WT1: variants seen among roughly 807,000 people sequenced by gnomAD.
WT1 encodes WT1 transcription factor, also known as Wilms tumor protein.
A neutral mutation model predicts 60.8 loss-of-function variants in WT1; 8 were observed. The observed-to-expected ratio is 0.13, with a 90% CI of 0.08 to 0.24. The LOEUF (loss-of-function observed/expected upper bound fraction) is 0.24. Ranked by LOEUF, WT1 falls within the 10% of genes least tolerant of loss-of-function variation. The pLI is 1.00. For missense variants in WT1, 568 were observed against 711.8 expected (o/e 0.80, Z 2.30); for synonymous variants, 312 against 297.1 (o/e 1.05, Z -0.52).
intron 5 of WT1, among the ~76,000 whole-genome samples, chr11:32,411,883 G>GA (rs142941815): frequency 0.046 from 6,920 of 151,810 alleles, 211 homozygotes; most frequent in Non-Finnish European, 0.073. Flanking sequence ...CAATAATAAA[G>GA]AAAAAAAACT....
chr11:32,405,634 C>CAT (rs58609322), intron 5 of WT1, among the ~76,000 whole-genome samples: 60,730 of 151,578 alleles, frequency 0.4, 13,392 homozygotes, highest in East Asian at 0.72. Context: ...ACACAAATGA[C>CAT]AACTTCCTCC....
At chr11:32,410,725 C>T (rs1852470957) in intron 5 of WT1, among the ~76,000 whole-genome samples, 1 of 151,998 alleles carries the variant, frequency 6.6e-6, no homozygotes, top group Non-Finnish European at 1.5e-5. Flanking sequence ...ATAAAGTCGC[C>T]ATCTAGGCAT....
At chr11:32,416,220 T>C (rs919522022) in intron 5 of WT1, among the ~76,000 whole-genome samples, 1 of 152,216 alleles carries the variant, frequency 6.6e-6, no homozygotes, top group African/African-American at 2.4e-5. Flanking sequence ...TTTAGTATTT[T>C]GTGAAGTATT....
At chr11:32,430,486 G>GAGAGACAGAGAC (rs1554945689) in intron 1 of WT1, 1 of 1,570,742 alleles carries the variant, frequency 6.4e-7, no homozygotes, top group African/African-American at 1.5e-5. Flanking sequence ...GAGAGAGAGA[G>GAGAGACAGAGAC]AGAGACGAAA....
intron 5 of WT1, among the ~76,000 whole-genome samples, chr11:32,403,005 A>G (rs1184899724): frequency 6.6e-6 from 1 of 152,186 alleles, no homozygotes; most frequent in African/African-American, 2.4e-5. Context: ...GACTTTCCTG[A>G]AGACAACTGT....
In WT1 at chr11:32,434,977, C is replaced by G. The variant is rs2133104077; in HGVS notation, c.384G>C (p.Ala128=). Residue 128 remains alanine, a synonymous_variant, in exon 1 of 10, where the codon GCG becomes GCC. Transcript: ENST00000452863. ...GGGGTGGCGGCGGAGCCGGTGGCGGCGCGGGGCCGCCCAACGACCCGTAAG... is the reference window on the plus strand; with the variant it reads ...GGGGTGGCGGCGGAGCCGGTGGCGGGGCGGGGCCGCCCAACGACCCGTAAG... 1 of 1,521,018 alleles carries G rather than the reference C, an allele frequency of 6.6e-7. No homozygotes were observed. The highest frequency in any genetic ancestry group is 8.8e-7 in the Non-Finnish European group (1 of 1,141,008). 94.2% of individuals were successfully genotyped at this position (1,521,018 alleles called of 1,614,324 possible).
chr11:32,406,243 G>A (rs545005505), intron 5 of WT1, among the ~76,000 whole-genome samples: 2 of 152,184 alleles, frequency 1.3e-5, no homozygotes, highest in East Asian at 1.9e-4. Flanking sequence ...GGAGGTGGGG[G>A]TGGTTTTGGG....
chr11:32,398,485 A>G (rs1852041738), intron 6 of WT1, among the ~76,000 whole-genome samples: 1 of 152,192 alleles, frequency 6.6e-6, no homozygotes. Flanking sequence ...TTTTACCTTT[A>G]TACTTTACTT....
intron 1 of WT1, chr11:32,430,806 G>T: frequency 7.7e-7 from 1 of 1,305,002 alleles, no homozygotes. Flanking sequence ...AGGGGCAGTG[G>T]TGAAAGCGCC....
chr11:32,395,707 C>T (rs937148140), intron 7 of WT1, among the ~76,000 whole-genome samples: 3 of 152,096 alleles, frequency 2.0e-5, no homozygotes, highest in African/African-American at 7.2e-5. Context: ...GGTGATCCAC[C>T]CACTTCGGCC....
At chr11:32,430,455 GGAGAGAGAGAGAGAGAGA>G (rs529663782) in intron 1 of WT1, 11 of 898,570 alleles carry the variant, frequency 1.2e-5, no homozygotes, top group Admixed American at 2.6e-5. Context: ...AGAGAGGGAG[GGAGAGAGAGAGAGAGAGA>G]GAGAGAGAGA....
At chr11:32,394,862 T>G (rs937797449) in intron 7 of WT1, among the ~76,000 whole-genome samples, 2 of 152,238 alleles carry the variant, frequency 1.3e-5, no homozygotes, top group East Asian at 1.9e-4. Context: ...GCATTCTAAG[T>G]GCTTCTCTCT....
rs149264072 is a variant in WT1 at position 32,422,547 on chromosome 11, A to G, written c.888-4893T>C. Among the ~76,000 whole-genome samples the G allele has an allele frequency of 5.6e-3, 854 of 152,368 alleles. 7 individuals carry two copies. Among genetic ancestry groups the G allele is most frequent in the African/African-American group, 0.02 (820 of 41,592 alleles). ...TAATTACAATTTTATTTTCTTGGGCATGGGCTGTCATCTGATTTCTGTCTA... is the reference window on the plus strand; with the variant it reads ...TAATTACAATTTTATTTTCTTGGGCGTGGGCTGTCATCTGATTTCTGTCTA... On this transcript the variant is annotated intron_variant, in intron 3 of 9. Coordinates refer to ENST00000452863, the MANE Select transcript of WT1 (RefSeq NM_024426.6).
In WT1 at chr11:32,396,310, T is replaced by G. The variant is rs748864758; in HGVS notation, c.1211A>C (p.Asn404Thr). 3 of 1,614,050 alleles carry G rather than the reference T, an allele frequency of 1.9e-6. No homozygotes were observed. Among genetic ancestry groups the G allele is most frequent in the African/African-American group, 1.3e-5 (1 of 74,920 alleles). The stretch of plus-strand genomic sequence containing the variant: ...GTGGGACAGCTTAAAATATCTCTTA[T>G]TGCAGCCTGGGTAAGCACACATGAA... The change falls in exon 7 of 10, where the codon AAT (asparagine) becomes ACT (threonine). Residue 404 changes from asparagine (N) to threonine (T), a missense_variant. Coordinates refer to ENST00000452863, the MANE Select transcript of WT1 (RefSeq NM_024426.6).
At chr11:32,413,059 T>G (rs75940312) in intron 5 of WT1, among the ~76,000 whole-genome samples, 2 of 152,156 alleles carry the variant, frequency 1.3e-5, no homozygotes, top group African/African-American at 4.8e-5. Context: ...ACAAACCTAT[T>G]CTTTGTGAAG....
At chr11:32,432,548 C>G (rs1344406322) in intron 1 of WT1, among the ~76,000 whole-genome samples, 9 of 152,218 alleles carry the variant, frequency 5.9e-5, no homozygotes, top group South Asian at 2.1e-4. Context: ...GATGGTGCTT[C>G]CAGGCTATAT....
At chr11:32,418,373 A>G (rs1057150901) in intron 3 of WT1, among the ~76,000 whole-genome samples, 16 of 152,110 alleles carry the variant, frequency 1.1e-4, no homozygotes, top group African/African-American at 3.4e-4. Context: ...TCCCCTCTGT[A>G]TTTATCTCAT....
intron 5 of WT1, among the ~76,000 whole-genome samples, chr11:32,411,651 T>C (rs973733258): frequency 3.3e-5 from 5 of 152,066 alleles, no homozygotes; most frequent in Admixed American, 1.3e-4. Flanking sequence ...ATTCATCAAA[T>C]GCATGTCCAA....
At chr11:32,426,362 G>A (rs374709415) in intron 3 of WT1, among the ~76,000 whole-genome samples, 4 of 152,318 alleles carry the variant, frequency 2.6e-5, no homozygotes, top group African/African-American at 9.6e-5. Context: ...CTGGCAATGG[G>A]CAGGAGCAGC....
Sources: gnomAD v4.1 joint callset for allele counts (sites outside exome capture counted in the v4.1 genomes callset) on GRCh38, gnomAD v4.1.1 for gene constraint, MANE v1.5 for transcripts, NCBI Gene and HGNC (gene_info 2026-07-23, HGNC 2026-07-21) for gene names.